The following RPS6KC1 variants were observed in gnomAD, a reference collection of about 807,000 sequenced individuals.
The protein encoded by RPS6KC1 is ribosomal protein S6 kinase C1.
Under a neutral mutation model 103.8 loss-of-function variants are expected in RPS6KC1, and 54 were observed. The observed-to-expected ratio is 0.52, with a 90% confidence interval of 0.42 to 0.65. RPS6KC1 has a LOEUF of 0.65. Among genes scored for constraint, RPS6KC1 ranks in the 30% least tolerant of loss-of-function variants. The pLI, the probability that RPS6KC1 is intolerant of heterozygous loss-of-function variation, is 0.00. For synonymous variants in RPS6KC1, 439 were observed against 438.7 expected (o/e 1.00, Z -0.01); for missense variants, 1,151 against 1,253.8 (o/e 0.92, Z 1.24).
the RPS6KC1 span, among the ~76,000 whole-genome samples, chr1:213,440,778 G>A: frequency 6.6e-6 from 1 of 152,186 alleles, no homozygotes; most frequent in African/African-American, 2.4e-5. Context: ...GGGTAATACT[G>A]ATAATGGCTA....
At chr1:213,068,726 A>T (rs1266380590) in intron 1 of RPS6KC1, among the ~76,000 whole-genome samples, 1 of 151,960 alleles carries the variant, frequency 6.6e-6, no homozygotes, top group South Asian at 2.1e-4. Context: ...ATTTAAATTT[A>T]AATTAAGGCT....
At chr1:213,738,930 T>G in the RPS6KC1 span, among the ~76,000 whole-genome samples, 1 of 151,530 alleles carries the variant, frequency 6.6e-6, no homozygotes, top group Non-Finnish European at 1.5e-5. Context: ...AAGGAAGGTT[T>G]TTTTTTTTTT....
At chr1:213,268,722 CAA>C (rs1403702612) in intron 14 of RPS6KC1, among the ~76,000 whole-genome samples, 2 of 150,550 alleles carry the variant, frequency 1.3e-5, no homozygotes, top group Non-Finnish European at 3.0e-5. Flanking sequence ...TATGGTAGAG[CAA>C]AGTTTCTACC....
At chr1:213,122,391 C>T (rs577878976) in intron 5 of RPS6KC1, among the ~76,000 whole-genome samples, 7 of 151,922 alleles carry the variant, frequency 4.6e-5, no homozygotes, top group Non-Finnish European at 8.8e-5. Flanking sequence ...TATCGAAATA[C>T]CATTTATTTT....
At chr1:213,116,020 G>A (rs2083558374) in intron 4 of RPS6KC1, among the ~76,000 whole-genome samples, 1 of 152,066 alleles carries the variant, frequency 6.6e-6, no homozygotes, top group South Asian at 2.1e-4. Flanking sequence ...TGAAAAAAAT[G>A]TATATTCTGT....
At chr1:213,600,770 C>T in the RPS6KC1 span, among the ~76,000 whole-genome samples, 2 of 152,194 alleles carry the variant, frequency 1.3e-5, no homozygotes, top group African/African-American at 2.4e-5. Flanking sequence ...CCATAGGGTG[C>T]ATGTTTTTGA....
At chr1:213,715,068 C>A in the RPS6KC1 span, among the ~76,000 whole-genome samples, 2 of 152,082 alleles carry the variant, frequency 1.3e-5, no homozygotes, top group Non-Finnish European at 2.9e-5. Flanking sequence ...AAGCAAAGAG[C>A]CAGAGCTGGT....
intron 12 of RPS6KC1, among the ~76,000 whole-genome samples, chr1:213,245,964 A>G (rs2094447670): frequency 6.6e-6 from 1 of 152,224 alleles, no homozygotes; most frequent in Non-Finnish European, 1.5e-5. Context: ...AAGTTTCTAT[A>G]ACAAAACTGA....
the RPS6KC1 span, among the ~76,000 whole-genome samples, chr1:213,352,409 T>G: frequency 6.6e-5 from 10 of 152,186 alleles, no homozygotes; most frequent in Non-Finnish European, 1.2e-4. Flanking sequence ...TTAAATATGT[T>G]TGCTTTAAAA....
the RPS6KC1 span, among the ~76,000 whole-genome samples, chr1:213,391,013 T>A: frequency 6.6e-6 from 1 of 152,150 alleles, no homozygotes; most frequent in African/African-American, 2.4e-5. Context: ...CTAGTTTTTT[T>A]TCCCCCCATC....
chr1:213,422,849 C>T, the RPS6KC1 span, among the ~76,000 whole-genome samples: 1 of 152,200 alleles, frequency 6.6e-6, no homozygotes, highest in Non-Finnish European at 1.5e-5. Context: ...ATGCTTCCCT[C>T]AAAAAATTCT....
the RPS6KC1 span, among the ~76,000 whole-genome samples, chr1:213,475,339 C>T: frequency 1.3e-5 from 2 of 152,150 alleles, no homozygotes; most frequent in Non-Finnish European, 2.9e-5. Context: ...TCATTTGTCC[C>T]CCCTTTCAAA....
At chr1:213,259,331 G>A (rs1474728226) in intron 12 of RPS6KC1, among the ~76,000 whole-genome samples, 1 of 152,206 alleles carries the variant, frequency 6.6e-6, no homozygotes, top group Non-Finnish European at 1.5e-5. Flanking sequence ...AGGCCAAGGC[G>A]GGTGGATCGC....
At chr1:213,453,720 T>C in the RPS6KC1 span, among the ~76,000 whole-genome samples, 14 of 152,288 alleles carry the variant, frequency 9.2e-5, no homozygotes, top group South Asian at 2.9e-3. Flanking sequence ...AGTCAGTGCC[T>C]TTGGTTTTAC....
At chr1:213,101,447 AG>A (rs1438804533) in intron 3 of RPS6KC1, among the ~76,000 whole-genome samples, 6 of 152,328 alleles carry the variant, frequency 3.9e-5, no homozygotes, top group Admixed American at 3.3e-4. Flanking sequence ...TGCTTGTCAA[AG>A]TTTAGTGGAA....
chr1:213,679,186 C>T, the RPS6KC1 span, among the ~76,000 whole-genome samples: 1 of 152,118 alleles, frequency 6.6e-6, no homozygotes, highest in African/African-American at 2.4e-5. Flanking sequence ...GCAGTCTTTG[C>T]CCTCTTAGCA....
chr1:213,212,433 C>T (rs1453500104), intron 8 of RPS6KC1, among the ~76,000 whole-genome samples: 2 of 152,162 alleles, frequency 1.3e-5, no homozygotes, highest in African/African-American at 4.8e-5. Context: ...ATTTTTAATG[C>T]TCAATGGTAT....
At chr1:213,167,761 G>T in intron 6 of RPS6KC1, 97 bp from the exon 7 acceptor site, 1 of 568,232 alleles carries the variant, frequency 1.8e-6, no homozygotes. Context: ...TTTTTTGTTA[G>T]AAATGTGAAC....
At chr1:213,780,391 A>T in the RPS6KC1 span, among the ~76,000 whole-genome samples, 1 of 152,176 alleles carries the variant, frequency 6.6e-6, no homozygotes, top group Non-Finnish European at 1.5e-5. Flanking sequence ...GTGGGGACAG[A>T]AGCCTAAGGA....
Sources: gnomAD v4.1 joint callset for allele counts (sites outside exome capture counted in the v4.1 genomes callset) on GRCh38, gnomAD v4.1.1 for gene constraint, MANE v1.5 for transcripts, NCBI Gene and HGNC (gene_info 2026-07-23, HGNC 2026-07-21) for gene names.